The following CHM variants were observed in gnomAD, a reference collection of about 807,000 sequenced individuals.
CHM encodes the protein rab proteins geranylgeranyltransferase component A 1.
Under a neutral mutation model 49.0 loss-of-function variants are expected in CHM, and 10 were observed. The observed-to-expected ratio is 0.20, with a 90% CI of 0.13 to 0.35. The LOEUF (loss-of-function observed/expected upper bound fraction) is 0.35, where lower values mean the gene tolerates loss of function less well. Among genes scored for constraint, CHM ranks in the 10% least tolerant of loss-of-function variants. CHM has a pLI of 1.00. For synonymous variants in CHM, 184 were observed against 167.5 expected (o/e 1.10, Z -0.76); for missense variants, 455 against 478.4 (o/e 0.95, Z 0.46).
intron 2 of CHM, among the ~76,000 whole-genome samples, chrX:86,002,048 C>T (rs908704615): frequency 1.8e-4 from 20 of 111,173 alleles, no homozygotes; most frequent in African/African-American, 6.5e-4. Flanking sequence ...ATCAAGCTAG[C>T]GATGAGTTTT....
intron 4 of CHM, among the ~76,000 whole-genome samples, chrX:85,968,025 C>G (rs1040402985): frequency 1.8e-5 from 2 of 111,516 alleles, no homozygotes; most frequent in African/African-American, 3.3e-5. Context: ...TGCACCTTCT[C>G]TTACCCAATA....
At chrX:85,985,707 G>T (rs748306645) in intron 2 of CHM, among the ~76,000 whole-genome samples, 50 of 112,816 alleles carry the variant, frequency 4.4e-4, no homozygotes, top group African/African-American at 1.5e-3. Context: ...CTCCCAGAGG[G>T]AGGGGCAGGC....
At chrX:85,867,997 C>T (rs1466138783) in intron 14 of CHM, among the ~76,000 whole-genome samples, 2 of 107,638 alleles carry the variant, frequency 1.9e-5, no homozygotes, top group Non-Finnish European at 3.8e-5. Context: ...GTTAACACGT[C>T]CATCACCACT....
intron 2 of CHM, among the ~76,000 whole-genome samples, chrX:86,009,905 AT>A (rs948929045): frequency 7.2e-5 from 8 of 110,509 alleles, no homozygotes; most frequent in African/African-American, 2.6e-4. Flanking sequence ...ACAGAATAAC[AT>A]TTTTTTAAAA....
At chrX:85,883,945 G>GT (rs1283892344) in intron 12 of CHM, among the ~76,000 whole-genome samples, 1 of 110,995 alleles carries the variant, frequency 9.0e-6, no homozygotes, top group East Asian at 2.8e-4. Context: ...TAGTGTATGA[G>GT]TAAGTACTGC....
intron 2 of CHM, among the ~76,000 whole-genome samples, chrX:86,016,057 C>T (rs759288331): frequency 9.0e-5 from 10 of 110,668 alleles, no homozygotes; most frequent in Admixed American, 5.7e-4. Flanking sequence ...CACTTGAACC[C>T]GAGAGGCAGA....
chrX:86,003,742 C>G (rs972631208), intron 2 of CHM, among the ~76,000 whole-genome samples: 16 of 111,614 alleles, frequency 1.4e-4, no homozygotes, highest in African/African-American at 5.2e-4. Flanking sequence ...AACAAAGCCT[C>G]CAAGAAATAT....
intron 4 of CHM, among the ~76,000 whole-genome samples, chrX:85,974,111 T>C (rs1270873894): frequency 8.9e-6 from 1 of 112,272 alleles, no homozygotes; most frequent in Non-Finnish European, 1.9e-5. Flanking sequence ...TAGCAATGAA[T>C]ATGTGAAAAC....
intron 12 of CHM, among the ~76,000 whole-genome samples, chrX:85,889,248 A>C (rs1032268779): frequency 1.8e-5 from 2 of 112,457 alleles, no homozygotes; most frequent in East Asian, 5.6e-4. Context: ...TGTACCCAGC[A>C]AAAGAAATTA....
intron 2 of CHM, among the ~76,000 whole-genome samples, chrX:85,998,094 T>C (rs1222584277): frequency 8.9e-6 from 1 of 111,854 alleles, no homozygotes; most frequent in East Asian, 2.8e-4. Context: ...TATACATTCC[T>C]ATATGGTCTC....
chrX:85,958,781 A>C, intron 6 of CHM, 80 bp downstream of exon 6: 1 of 1,191,214 alleles, frequency 8.4e-7, no homozygotes, highest in South Asian at 1.8e-5. Context: ...GAAAATAACA[A>C]TCTTATTTGC....
At chrX:85,993,539 G>T (rs770022313) in intron 2 of CHM, among the ~76,000 whole-genome samples, 2 of 111,980 alleles carry the variant, frequency 1.8e-5, no homozygotes, top group Non-Finnish European at 3.8e-5. Context: ...CTGCCATTGT[G>T]ATCAGGTGTT....
chrX:86,021,157 T>C (rs200431982), intron 2 of CHM, among the ~76,000 whole-genome samples: 2,087 of 51,092 alleles, frequency 0.041, 44 homozygotes, highest in East Asian at 0.19. Flanking sequence ...TATATATATA[T>C]ACACGTATAT....
chrX:85,948,401 T>C (rs1208015903), intron 8 of CHM, among the ~76,000 whole-genome samples: 1 of 112,076 alleles, frequency 8.9e-6, no homozygotes, highest in Non-Finnish European at 1.9e-5. Flanking sequence ...TTAATGACTT[T>C]TCTTCCAATA....
chrX:85,975,752 C>T lies in CHM; in HGVS notation c.314+3015G>A, dbSNP rs180926045. Among the ~76,000 whole-genome samples, 309 of 112,122 alleles carry T rather than the reference C, an allele frequency of 2.8e-3. 1 individual carries two copies. Among genetic ancestry groups the T allele is most frequent in the African/African-American group, 9.6e-3 (296 of 30,859 alleles). ...GTTCTGCTCTGTAACTTGACTGTGA[C>T]AGTGAATACATGAACCCACAAATGT... On this transcript the variant is annotated intron_variant, in intron 4 of 14. Coordinates refer to ENST00000357749, the MANE Select transcript of CHM (RefSeq NM_000390.4).
At chrX:86,026,921 G>A (rs897555914) in intron 2 of CHM, 2 of 112,714 alleles carry the variant, frequency 1.8e-5, no homozygotes, top group African/African-American at 6.5e-5. Flanking sequence ...TATAGAAATG[G>A]AGAGATTTAA....
At chrX:86,021,857 C>A (rs943633271) in intron 2 of CHM, among the ~76,000 whole-genome samples, 1 of 111,697 alleles carries the variant, frequency 9.0e-6, no homozygotes, top group Non-Finnish European at 1.9e-5. Flanking sequence ...GAAGGAAATC[C>A]TGCAGTATGC....
intron 8 of CHM, among the ~76,000 whole-genome samples, chrX:85,932,739 G>A (rs1001600271): frequency 6.3e-5 from 7 of 111,444 alleles, no homozygotes; most frequent in African/African-American, 1.3e-4. Flanking sequence ...GCTTGTTTTC[G>A]TCTGTATATT....
At chrX:85,956,458 T>A in intron 7 of CHM, 80 bp from the exon 8 acceptor site, 1 of 1,131,399 alleles carries the variant, frequency 8.8e-7, no homozygotes, top group Non-Finnish European at 1.2e-6. Context: ...GGAGATGAAG[T>A]GTGTTTCACA....
Sources: allele counts gnomAD v4.1 joint callset (sites outside exome capture counted in the v4.1 genomes callset), GRCh38; gene constraint gnomAD v4.1.1; transcripts MANE v1.5; gene names NCBI Gene and HGNC (gene_info 2026-07-23, HGNC 2026-07-21).